RBFOX1: variants seen among roughly 807,000 people sequenced by gnomAD.
RBFOX1 encodes the protein RNA binding protein fox-1 homolog 1.
RBFOX1 carries 8 observed loss-of-function variants against 57.7 expected under a neutral mutation model. The observed-to-expected ratio is 0.14, with a 90% CI of 0.08 to 0.25. RBFOX1 has a LOEUF of 0.25. Ranked by LOEUF, RBFOX1 falls within the 10% of genes least tolerant of loss-of-function variation. The pLI is 1.00. For synonymous variants in RBFOX1, 326 were observed against 222.4 expected (o/e 1.47, Z -4.15); for missense variants, 611 against 548.5 (o/e 1.11, Z -1.14).
At chr16:5,618,436 C>T (rs2048110862) in intron 3 of RBFOX1, among the ~76,000 whole-genome samples, 7 of 152,138 alleles carry the variant, frequency 4.6e-5, no homozygotes, top group Admixed American at 4.6e-4. Context: ...CCACCAGGTT[C>T]ACGCCATTCT....
chr16:6,746,170 G>A (rs2073571873), intron 3 of RBFOX1, among the ~76,000 whole-genome samples: 1 of 152,056 alleles, frequency 6.6e-6, no homozygotes, highest in African/African-American at 2.4e-5. Flanking sequence ...TAGGTTGAGA[G>A]ACTTATCTTA....
intron 4 of RBFOX1, among the ~76,000 whole-genome samples, chr16:7,287,729 A>T (rs760802475): frequency 7.2e-5 from 11 of 152,150 alleles, no homozygotes; most frequent in Non-Finnish European, 1.5e-4. Flanking sequence ...GAAAATATCT[A>T]TGTAGATCTA....
chr16:5,977,175 G>C lies in RBFOX1; in HGVS notation c.351+109840G>C, dbSNP rs529360034. Among the ~76,000 whole-genome samples the C allele has an allele frequency of 9.7e-4, 147 of 152,288 alleles. 1 individual carries two copies. Among genetic ancestry groups the C allele is most frequent in the African/African-American group, 3.4e-3 (142 of 41,568 alleles). Reference sequence around the variant, plus strand: ...CCACCCATCTCTGTAGCTATATTGTGTGGGCAGAACTGAGGTTGCTGCTCC... The same window carrying C: ...CCACCCATCTCTGTAGCTATATTGTCTGGGCAGAACTGAGGTTGCTGCTCC... On this transcript the variant is annotated intron_variant, in intron 4 of 19. Coordinates refer to the RBFOX1 transcript ENST00000641259.
intron 4 of RBFOX1, among the ~76,000 whole-genome samples, chr16:5,948,532 G>T (rs1247197449): frequency 6.6e-6 from 1 of 152,170 alleles, no homozygotes; most frequent in Non-Finnish European, 1.5e-5. Flanking sequence ...TTTGGGGTTG[G>T]AGTGGCTAAT....
In RBFOX1 at chr16:6,263,836, A is replaced by T. The variant is rs150190027; in HGVS notation, c.-126-53159A>T. Among the ~76,000 whole-genome samples the T allele has an allele frequency of 7.6e-3, 1,162 of 152,302 alleles. 11 individuals are homozygous for T. Among genetic ancestry groups the T allele is most frequent in the Middle Eastern group, 0.041 (12 of 294 alleles). ...GTGAACTAGATGCTTCCATCCCAAA[A>T]TGCCATTCCAAAGGAGAAAGTTGGA... On this transcript the variant is annotated intron_variant, in intron 1 of 15. Coordinates refer to ENST00000550418, the MANE Select transcript of RBFOX1 (RefSeq NM_018723.4).
At chr16:5,354,658 C>T (rs1316666120) in intron 1 of RBFOX1, among the ~76,000 whole-genome samples, 2 of 152,258 alleles carry the variant, frequency 1.3e-5, no homozygotes, top group Non-Finnish European at 1.5e-5. Context: ...TTATTCCAAC[C>T]CTCTCTTTGT....
intron 1 of RBFOX1, among the ~76,000 whole-genome samples, chr16:5,398,435 A>T (rs568352910): frequency 6.6e-6 from 1 of 151,462 alleles, no homozygotes; most frequent in Non-Finnish European, 1.5e-5. Context: ...GTACGTGTGT[A>T]TGCTTGTGCT....
Position 7,693,703 on chromosome 16 carries a change from C to T in RBFOX1, c.996-15353C>T, listed in dbSNP as rs1039997019. Among the ~76,000 whole-genome samples, 8 of 152,200 alleles carry T rather than the reference C, an allele frequency of 5.3e-5. 1 individual carries two copies. In the South Asian group the frequency reaches 6.2e-4, roughly 12 times the overall value. On this transcript the variant is annotated intron_variant, in intron 14 of 15. Coordinates refer to ENST00000550418, the MANE Select transcript of RBFOX1 (RefSeq NM_018723.4). ...GGAACAGGAAGATTAGGTACACAGACGTATGACTTCCATGTTTTTTGACGT... is the reference window on the plus strand; with the variant it reads ...GGAACAGGAAGATTAGGTACACAGATGTATGACTTCCATGTTTTTTGACGT...
At chr16:6,493,704 C>G (rs1049266519) in intron 2 of RBFOX1, among the ~76,000 whole-genome samples, 1 of 152,072 alleles carries the variant, frequency 6.6e-6, no homozygotes, top group Admixed American at 6.5e-5. Context: ...AACTTCATAC[C>G]TTGGGAGATT....
intron 4 of RBFOX1, among the ~76,000 whole-genome samples, chr16:7,462,938 G>T (rs910980605): frequency 2.0e-5 from 3 of 152,214 alleles, no homozygotes; most frequent in Non-Finnish European, 2.9e-5. Flanking sequence ...AGGTAGTTCA[G>T]CTCTTCTCCT....
chr16:7,537,508 A>G (rs763132618), intron 5 of RBFOX1, among the ~76,000 whole-genome samples: 6 of 152,166 alleles, frequency 3.9e-5, no homozygotes, highest in Non-Finnish European at 7.3e-5. Flanking sequence ...CTAGACCTAC[A>G]CTTATAACCA....
intron 2 of RBFOX1, among the ~76,000 whole-genome samples, chr16:6,639,771 C>G (rs1325218024): frequency 2.6e-5 from 4 of 151,996 alleles, no homozygotes; most frequent in African/African-American, 7.2e-5. Flanking sequence ...CCCAGCTACT[C>G]GGGAGGCTGA....
At chr16:6,807,091 C>G (rs544616397) in intron 3 of RBFOX1, among the ~76,000 whole-genome samples, 3 of 151,800 alleles carry the variant, frequency 2.0e-5, no homozygotes, top group African/African-American at 7.3e-5. Flanking sequence ...GCTTCAGCCT[C>G]CCAAAGTGCT....
intron 3 of RBFOX1, among the ~76,000 whole-genome samples, chr16:6,856,160 G>A (rs1177361265): frequency 6.7e-6 from 1 of 148,580 alleles, no homozygotes; most frequent in Non-Finnish European, 1.5e-5. Flanking sequence ...TACCTTCCTT[G>A]CTTCCTTTCC....
intron 9 of RBFOX1, among the ~76,000 whole-genome samples, chr16:7,605,903 A>G (rs1027367544): frequency 6.6e-6 from 1 of 152,046 alleles, no homozygotes; most frequent in African/African-American, 2.4e-5. Flanking sequence ...CAGTGGCACC[A>G]TCTTGGCTCA....
intron 4 of RBFOX1, among the ~76,000 whole-genome samples, chr16:7,484,629 A>G (rs1348483688): frequency 6.6e-6 from 1 of 152,012 alleles, no homozygotes; most frequent in Non-Finnish European, 1.5e-5. Flanking sequence ...GAGCTGGCTA[A>G]TTTTTTGTAT....
intron 1 of RBFOX1, among the ~76,000 whole-genome samples, chr16:6,074,195 G>A (rs113091827): frequency 0.012 from 1,900 of 152,122 alleles, 51 homozygotes; most frequent in African/African-American, 0.044. Context: ...TGATCCGCCC[G>A]CCTCAGCCTA....
chr16:7,430,195 C>A (rs540541330), intron 4 of RBFOX1, among the ~76,000 whole-genome samples: 1 of 152,286 alleles, frequency 6.6e-6, no homozygotes, highest in African/African-American at 2.4e-5. Context: ...AATAATGTTC[C>A]ATTGGCCCAC....
chr16:5,460,174 A>G (rs374725631), intron 1 of RBFOX1, among the ~76,000 whole-genome samples: 177 of 152,296 alleles, frequency 1.2e-3, no homozygotes, highest in African/African-American at 3.9e-3. Context: ...CCTCAGGTAT[A>G]TGAGAGACTC....
Sources: allele counts gnomAD v4.1 joint callset (sites outside exome capture counted in the v4.1 genomes callset), GRCh38; gene constraint gnomAD v4.1.1; transcripts MANE v1.5; gene names NCBI Gene and HGNC (gene_info 2026-07-23, HGNC 2026-07-21).